TBC1D19: variants seen among roughly 807,000 people sequenced by gnomAD.
The protein encoded by TBC1D19 is TBC1 domain family member 19.
Under a neutral mutation model 89.0 loss-of-function variants are expected in TBC1D19, and 60 were observed. The observed-to-expected ratio is 0.67, with a 90% CI of 0.55 to 0.84. The LOEUF (loss-of-function observed/expected upper bound fraction) is 0.84, where lower values mean the gene tolerates loss of function less well. TBC1D19 is among the 40% of genes least tolerant of loss of function. TBC1D19 has a pLI of 0.00. For missense variants in TBC1D19, 500 were observed against 610.8 expected, an observed-to-expected ratio of 0.82 and a Z score of 1.91; for synonymous variants, 189 against 199.7, an observed-to-expected ratio of 0.95 and a Z score of 0.45.
At chr4:26,781,655 A>G in the TBC1D19 span, among the ~76,000 whole-genome samples, 1 of 152,228 alleles carries the variant, frequency 6.6e-6, no homozygotes, top group Admixed American at 6.5e-5. Flanking sequence ...TATTTTTAGC[A>G]GAAATATGTT....
chr4:26,690,681 A>C (rs1714195730), intron 13 of TBC1D19, among the ~76,000 whole-genome samples: 1 of 152,186 alleles, frequency 6.6e-6, no homozygotes, highest in Non-Finnish European at 1.5e-5. Context: ...AATATTGTAA[A>C]CATACTGTTG....
intron 1 of TBC1D19, among the ~76,000 whole-genome samples, chr4:26,594,234 G>A (rs149021756): frequency 0.023 from 3,531 of 152,050 alleles, 123 homozygotes; most frequent in African/African-American, 0.077. Context: ...GCAAACTATC[G>A]CATGGACAAA....
intron 13 of TBC1D19, among the ~76,000 whole-genome samples, chr4:26,698,204 C>A (rs1447370417): frequency 1.3e-5 from 2 of 152,178 alleles, no homozygotes; most frequent in Non-Finnish European, 1.5e-5. Context: ...CACAAGCATT[C>A]TTATTCATCA....
At chr4:26,638,640 A>G in intron 5 of TBC1D19, 131 bp from the exon 6 acceptor site, 2 of 676,172 alleles carry the variant, frequency 3.0e-6, no homozygotes, top group Non-Finnish European at 5.0e-6. Context: ...CCCAAATTCA[A>G]CATGTTTAAT....
chr4:26,596,192 T>C (rs1487388241), intron 1 of TBC1D19, among the ~76,000 whole-genome samples: 2 of 152,060 alleles, frequency 1.3e-5, no homozygotes, highest in Non-Finnish European at 2.9e-5. Context: ...CCTGGCCTCA[T>C]ATGATCCATC....
chr4:26,730,226 T>G (rs1717570069), intron 15 of TBC1D19, among the ~76,000 whole-genome samples: 1 of 152,200 alleles, frequency 6.6e-6, no homozygotes, highest in African/African-American at 2.4e-5. Context: ...TGTTATATTC[T>G]GGGCACTGTG....
chr4:26,701,659 A>T (rs1173815904), intron 13 of TBC1D19, among the ~76,000 whole-genome samples: 2 of 152,122 alleles, frequency 1.3e-5, no homozygotes, highest in Admixed American at 6.6e-5. Flanking sequence ...CGGGCTCTAG[A>T]TTTCCTTAGA....
the TBC1D19 span, among the ~76,000 whole-genome samples, chr4:26,834,357 G>A: frequency 6.6e-6 from 1 of 152,196 alleles, no homozygotes; most frequent in Non-Finnish European, 1.5e-5. Context: ...TAGGCCACAG[G>A]TGAATCTCTG....
At chr4:26,793,551 C>T in the TBC1D19 span, among the ~76,000 whole-genome samples, 46 of 151,996 alleles carry the variant, frequency 3.0e-4, no homozygotes, top group African/African-American at 9.4e-4. Flanking sequence ...ATGGAAACTC[C>T]GTCTCTACTA....
chr4:26,607,662 A>C (rs1741097719), intron 1 of TBC1D19, among the ~76,000 whole-genome samples: 1 of 152,166 alleles, frequency 6.6e-6, no homozygotes, highest in Non-Finnish European at 1.5e-5. Flanking sequence ...TTAATTAAAA[A>C]ATTACACTAA....
rs1452289385 is a variant in TBC1D19, at chr4:26,717,046, A to G, written c.955-887A>G. On this transcript the variant is annotated intron_variant, in intron 13 of 20. Coordinates refer to ENST00000264866, the MANE Select transcript of TBC1D19 (RefSeq NM_018317.4). ...AGTGGCAGTGGTTGATATGCATTCC[A>G]CCAGTGAACCTGACTGATTCCCAAT... Among the ~76,000 whole-genome samples, 3 of 152,146 alleles carry G rather than the reference A, an allele frequency of 2.0e-5. No individual in the cohort carries two copies. The East Asian group carries it at 5.8e-4, about 29-fold the overall frequency.
chr4:26,794,784 A>G, the TBC1D19 span, among the ~76,000 whole-genome samples: 38,127 of 152,226 alleles, frequency 0.25, 5,835 homozygotes, highest in Non-Finnish European at 0.35. Flanking sequence ...AGTAAAAGAA[A>G]AAAACAGCAG....
At chr4:26,602,947 A>G (rs1457398896) in intron 1 of TBC1D19, among the ~76,000 whole-genome samples, 1 of 152,230 alleles carries the variant, frequency 6.6e-6, no homozygotes, top group East Asian at 1.9e-4. Flanking sequence ...GTTATCTAGA[A>G]GAAAAGCAGG....
intron 1 of TBC1D19, among the ~76,000 whole-genome samples, chr4:26,597,643 C>T (rs534592789): frequency 7.9e-5 from 12 of 151,098 alleles, no homozygotes; most frequent in Admixed American, 2.6e-4. Flanking sequence ...GGATTGCAGG[C>T]GTGAGCCACT....
At chr4:26,805,851 A>G in the TBC1D19 span, among the ~76,000 whole-genome samples, 1 of 152,094 alleles carries the variant, frequency 6.6e-6, no homozygotes, top group African/African-American at 2.4e-5. Flanking sequence ...CAAAAATTAA[A>G]TTAGCCAGGA....
At chr4:26,840,615 C>G in the TBC1D19 span, among the ~76,000 whole-genome samples, 1 of 152,048 alleles carries the variant, frequency 6.6e-6, no homozygotes, top group Non-Finnish European at 1.5e-5. Flanking sequence ...TCTTAGTCCC[C>G]TTCTATTTTC....
At chr4:26,580,460 A>G (rs1739043384), upstream of TBC1D19, among the ~76,000 whole-genome samples, 1 of 152,182 alleles carries the variant, frequency 6.6e-6, no homozygotes, top group Non-Finnish European at 1.5e-5. Context: ...GACTCCTGGA[A>G]TGTGAAGAGA....
chr4:26,630,795 C>CGA (rs79395417), intron 4 of TBC1D19, among the ~76,000 whole-genome samples: 6,881 of 152,020 alleles, frequency 0.045, 247 homozygotes, highest in Non-Finnish European at 0.063. Flanking sequence ...CACTGGTCCT[C>CGA]GTTTTGTGCT....
At chr4:26,634,895 T>G (rs1037001777) in intron 4 of TBC1D19, among the ~76,000 whole-genome samples, 48 of 152,236 alleles carry the variant, frequency 3.2e-4, no homozygotes, top group Middle Eastern at 3.4e-3. Context: ...AGTAAACCCA[T>G]ACAGTTCAAG....
Sources: gnomAD v4.1 joint callset for allele counts (sites outside exome capture counted in the v4.1 genomes callset) on GRCh38, gnomAD v4.1.1 for gene constraint, MANE v1.5 for transcripts, NCBI Gene and HGNC (gene_info 2026-07-23, HGNC 2026-07-21) for gene names.